Variants in RBMS3 observed in about 807,000 individuals in gnomAD.
RBMS3 encodes RNA-binding motif, single-stranded-interacting protein 3.
RBMS3 carries 27 observed loss-of-function variants against 66.8 expected under a neutral mutation model. The observed-to-expected ratio is 0.40, with a 90% CI of 0.30 to 0.56. The LOEUF (loss-of-function observed/expected upper bound fraction) is 0.56. RBMS3 is among the 20% of genes least tolerant of loss of function. The pLI, the probability that RBMS3 is intolerant of heterozygous loss-of-function variation, is 0.40. For missense variants in RBMS3, 513 were observed against 549.5 expected, an observed-to-expected ratio of 0.93 and a Z score of 0.66; for synonymous variants, 188 against 183.0, an observed-to-expected ratio of 1.03 and a Z score of -0.22.
intron 6 of RBMS3, among the ~76,000 whole-genome samples, chr3:29,769,201 GGACAAGAAAAA>G (rs2056077881): frequency 6.6e-6 from 1 of 151,652 alleles, no homozygotes; most frequent in African/African-American, 2.4e-5. Context: ...AAGACAAGAA[GGACAAGAAAAA>G]GACAAGAACG....
chr3:29,751,565 G>A (rs2371814), intron 5 of RBMS3, among the ~76,000 whole-genome samples: 2 of 151,926 alleles, frequency 1.3e-5, no homozygotes, highest in Admixed American at 6.6e-5. Flanking sequence ...CCTCTACAAC[G>A]TGCTTAAAAT....
rs142366959 is a variant in RBMS3 at position 29,617,331 on chromosome 3, G to A, written c.399+30126G>A. On this transcript the variant is annotated intron_variant, in intron 4 of 14. Transcript: ENST00000383767. The stretch of plus-strand genomic sequence containing the variant: ...ACTTAATGGTTAAATTAAATCATTT[G>A]TGTTAAGAAGGTGGTACAAGAAGCC... Among the ~76,000 whole-genome samples, 150 of 152,268 alleles carry A rather than the reference G, an allele frequency of 9.9e-4. 2 individuals are homozygous for A. Among genetic ancestry groups the A allele is most frequent in the Middle Eastern group, 3.4e-3 (1 of 294 alleles).
chr3:29,389,105 G>C (rs917244674), intron 1 of RBMS3, among the ~76,000 whole-genome samples: 4 of 152,144 alleles, frequency 2.6e-5, no homozygotes, highest in African/African-American at 9.7e-5. Flanking sequence ...GAATCAGTTT[G>C]GTGCTCCCTC....
intron 4 of RBMS3, among the ~76,000 whole-genome samples, chr3:29,631,962 G>C (rs1238709055): frequency 6.6e-6 from 1 of 151,904 alleles, no homozygotes; most frequent in Non-Finnish European, 1.5e-5. Context: ...ATGTGCATTT[G>C]CATGCCAACC....
chr3:29,950,779 T>A (rs1695632741), intron 12 of RBMS3, among the ~76,000 whole-genome samples: 1 of 151,894 alleles, frequency 6.6e-6, no homozygotes, highest in African/African-American at 2.4e-5. Context: ...ATTTAAACAA[T>A]GTTACCAGCC....
chr3:29,812,697 T>C (rs886138367), intron 6 of RBMS3, among the ~76,000 whole-genome samples: 1 of 152,094 alleles, frequency 6.6e-6, no homozygotes, highest in Non-Finnish European at 1.5e-5. Context: ...AGATGGAAAA[T>C]AGTTTTATTG....
chr3:29,358,846 TTGTC>T (rs1003071699), intron 1 of RBMS3, among the ~76,000 whole-genome samples: 1 of 152,198 alleles, frequency 6.6e-6, no homozygotes, highest in African/African-American at 2.4e-5. Context: ...GGTTCTCTGT[TTGTC>T]TGCTATTGGT....
At chr3:29,424,508 C>T (rs1210192678) in intron 1 of RBMS3, among the ~76,000 whole-genome samples, 1 of 152,102 alleles carries the variant, frequency 6.6e-6, no homozygotes, top group African/African-American at 2.4e-5. Context: ...AACAGGGATA[C>T]GTGTAGGCTG....
chr3:29,996,302 C>G (rs1699237940), intron 14 of RBMS3, among the ~76,000 whole-genome samples: 1 of 151,450 alleles, frequency 6.6e-6, no homozygotes, highest in Non-Finnish European at 1.5e-5. Flanking sequence ...GACTTAGACT[C>G]CCACACATTA....
At chr3:29,726,594 A>C (rs1576627737) in intron 4 of RBMS3, among the ~76,000 whole-genome samples, 1 of 151,964 alleles carries the variant, frequency 6.6e-6, no homozygotes, top group South Asian at 2.1e-4. Context: ...TCGTGAGGGA[A>C]CTCCCATACA....
At chr3:29,435,344 A>G (rs1428695638) in intron 2 of RBMS3, among the ~76,000 whole-genome samples, 4 of 152,210 alleles carry the variant, frequency 2.6e-5, no homozygotes, top group Admixed American at 1.3e-4. Flanking sequence ...TTTTCTGGCC[A>G]GTGCTTGGTA....
At chr3:29,355,539 G>A (rs1575601990) in intron 1 of RBMS3, among the ~76,000 whole-genome samples, 1 of 150,420 alleles carries the variant, frequency 6.6e-6, no homozygotes, top group Admixed American at 6.6e-5. Flanking sequence ...GATTCCTTAT[G>A]GGAAAATATA....
At chr3:29,697,337 G>T (rs9850932) in intron 4 of RBMS3, among the ~76,000 whole-genome samples, 18,421 of 152,110 alleles carry the variant, frequency 0.12, 2,431 homozygotes, top group African/African-American at 0.33. Flanking sequence ...TTCTTAATGA[G>T]CCCATTTGCA....
At chr3:29,948,751 G>T (rs1315511836) in intron 12 of RBMS3, among the ~76,000 whole-genome samples, 5 of 151,648 alleles carry the variant, frequency 3.3e-5, no homozygotes, top group Non-Finnish European at 7.4e-5. Flanking sequence ...TTCTTTACAT[G>T]AGTTAATTGA....
chr3:29,546,028 C>G (rs1012769712), intron 3 of RBMS3, among the ~76,000 whole-genome samples: 1 of 151,698 alleles, frequency 6.6e-6, no homozygotes, highest in East Asian at 1.9e-4. Context: ...GAATAAAACG[C>G]TGACAAAAAA....
chr3:29,484,915 G>A (rs1234608123), intron 2 of RBMS3, among the ~76,000 whole-genome samples: 2 of 152,190 alleles, frequency 1.3e-5, no homozygotes, highest in Admixed American at 1.3e-4. Flanking sequence ...AAATGAGTTA[G>A]CTGAGAGTTA....
chr3:29,372,396 C>T (rs565179061), intron 1 of RBMS3, among the ~76,000 whole-genome samples: 5 of 151,926 alleles, frequency 3.3e-5, no homozygotes, highest in African/African-American at 9.7e-5. Context: ...TTAATAATTC[C>T]GGGTTCTATT....
At chr3:29,880,234 C>T (rs1270812913) in intron 7 of RBMS3, among the ~76,000 whole-genome samples, 1 of 152,088 alleles carries the variant, frequency 6.6e-6, no homozygotes, top group African/African-American at 2.4e-5. Flanking sequence ...AAAAATACCC[C>T]ACTTTATTTT....
chr3:29,906,758 T>G (rs80026296), intron 10 of RBMS3, among the ~76,000 whole-genome samples: 2,669 of 152,196 alleles, frequency 0.018, 75 homozygotes, highest in African/African-American at 0.061. Flanking sequence ...ACAGTTAATA[T>G]CTAATGTTAC....
Sources: allele counts gnomAD v4.1 joint callset (sites outside exome capture counted in the v4.1 genomes callset), GRCh38; gene constraint gnomAD v4.1.1; transcripts MANE v1.5; gene names NCBI Gene and HGNC (gene_info 2026-07-23, HGNC 2026-07-21).